Variants in RALGDS observed in about 807,000 individuals in gnomAD.
RALGDS encodes ral guanine nucleotide exchange factor.
Under a neutral mutation model 99.8 loss-of-function variants are expected in RALGDS, and 44 were observed. The ratio of observed to expected loss-of-function variants is 0.44; its 90% CI spans 0.35 to 0.57. The LOEUF (loss-of-function observed/expected upper bound fraction) is 0.57, where lower values mean the gene tolerates loss of function less well. RALGDS is among the 20% of genes least tolerant of loss of function. The pLI is 0.01. For missense variants in RALGDS, 1,022 were observed against 1,203.1 expected (o/e 0.85, Z 2.23); for synonymous variants, 529 against 505.0 (o/e 1.05, Z -0.64).
Position 133,112,053 on chromosome 9 carries a change from G to A in RALGDS, c.283C>T (p.Arg95Cys), listed in dbSNP as rs1831374287. The part of the protein sequence containing the change: ...QLHHGGNKGQ[R>C]WLGYENESAL... Reference sequence around the variant, plus strand: ...CCGAGCGCACTCACCCCGAGCCAGCGCTGCCCCTTGTTGCCTCCGTGGTGC... The same window carrying A: ...CCGAGCGCACTCACCCCGAGCCAGCACTGCCCCTTGTTGCCTCCGTGGTGC... The change falls in exon 2 of 18, where the codon CGC becomes TGC. Residue 95 changes from arginine to cysteine, a missense_variant. This residue lies in a region of RALGDS where 180 missense variants were observed against 169.3 expected (regional missense o/e 1.06). Transcript: ENST00000372050. 7 of 1,577,216 alleles carry A rather than the reference G, an allele frequency of 4.4e-6. No individual in the cohort carries two copies. The highest frequency in any genetic ancestry group is 1.8e-5 in the Admixed American group (1 of 56,628).
Position 133,144,445 on chromosome 9 carries a change from T to A in RALGDS, c.18+4518A>T, listed in dbSNP as rs1484351135. Among the ~76,000 whole-genome samples, 1 of 152,112 alleles carries A rather than the reference T, an allele frequency of 6.6e-6. No individual in the cohort carries two copies. The highest frequency in any genetic ancestry group is 1.9e-4 in the East Asian group (1 of 5,192). The stretch of plus-strand genomic sequence containing the variant: ...CCAGTCACCCCGCCTCGGCCCCGCC[T>A]GGTTTGATTTCCTCCCGTGTGTGTC... On this transcript the variant is annotated intron_variant, in intron 1 of 17. Coordinates refer to the RALGDS transcript ENST00000393160. The surrounding 1 kb of genome is among the most constrained non-coding windows in gnomAD (Gnocchi z 4.5).
intron 1 of RALGDS, among the ~76,000 whole-genome samples, chr9:133,143,291 C>A (rs534458352): frequency 3.3e-5 from 5 of 151,902 alleles, no homozygotes; most frequent in Non-Finnish European, 7.3e-5. Flanking sequence ...CAGGGTGCTT[C>A]CCACAGGCCA....
rs747397050 is a variant in RALGDS at position 133,107,273 on chromosome 9, G to A, written c.1225C>T (p.His409Tyr). The A allele has an allele frequency of 6.2e-7, 1 of 1,613,728 alleles. No homozygotes were observed. ...AELFKKVVPY[H>Y]CLGSIWSQRD... ...TGGGACCAGATGGAGCCCAGGCAGT[G>A]GTAGGGCACCACCTTCTTGAACAGT... is the stretch of plus-strand genomic sequence containing the variant. Residue 409 changes from histidine to tyrosine, a missense_variant, in exon 7 of 18, where the codon CAC (histidine) becomes TAC (tyrosine). Physicochemically the swap from His to Tyr is moderately conservative, Grantham distance 83 (BLOSUM62 2). Coordinates refer to ENST00000372050, the MANE Select transcript of RALGDS (RefSeq NM_006266.4).
rs1831164840 is a variant in RALGDS, at chr9:133,108,184, T to G, written c.1001A>C (p.Glu334Ala). The G allele has an allele frequency of 6.2e-7, 1 of 1,613,222 alleles. No individual in the cohort carries two copies. Among genetic ancestry groups the G allele is most frequent in the African/African-American group, 1.3e-5 (1 of 74,836 alleles). Residue 334 changes from glutamate to alanine, a missense_variant, in exon 6 of 18, where the codon GAA becomes GCA. By Grantham distance (107) the Glu-to-Ala change is moderately radical. Transcript: ENST00000372050. ...GLESAPAPAL[E>A]LEPAPEQDPA... ...ATCCTGTTCTGGAGCTGGCTCTAGT[T>G]CCAGAGCTGGCGCTGGAGCCGATTC...
intron 6 of RALGDS, among the ~76,000 whole-genome samples, chr9:133,107,607 TC>T (rs1174271726): frequency 1.3e-5 from 2 of 152,266 alleles, no homozygotes; most frequent in East Asian, 3.9e-4. Context: ...AAGGGCTTTG[TC>T]CAGTGTCTGC....
intron 16 of RALGDS, chr9:133,101,124 G>A: frequency 3.5e-6 from 4 of 1,131,988 alleles, no homozygotes; most frequent in Non-Finnish European, 3.3e-6. Flanking sequence ...TGCCACAGCG[G>A]CCTCCTAACC....
chr9:133,107,019 A>T, intron 7 of RALGDS, 66 bp downstream of exon 7: 1 of 1,559,330 alleles, frequency 6.4e-7, no homozygotes, highest in Non-Finnish European at 8.8e-7. Flanking sequence ...AGGGCCTTGG[A>T]CTGCAGACCA....
At position 133,144,016 on chromosome 9, in the gene RALGDS, G is replaced by A. The variant is rs1033765175; in HGVS notation, c.18+4947C>T. ...GTGCTGACCCCCACCAGGAGCAGCA[G>A]GACCACCTCAGGCATCCCAGCTCCC... On this transcript the variant is annotated intron_variant, in intron 1 of 17. Coordinates refer to the RALGDS transcript ENST00000393160. This position sits in a 1 kb window ranked among gnomAD's most constrained non-coding sequence, Gnocchi z 4.5. Among the ~76,000 whole-genome samples the A allele has an allele frequency of 7.2e-5, 11 of 152,042 alleles. No individual in the cohort carries two copies. Among genetic ancestry groups the A allele is most frequent in the African/African-American group, 2.7e-4 (11 of 41,410 alleles).
At chr9:133,119,501 C>T (rs1044217112) in intron 1 of RALGDS, among the ~76,000 whole-genome samples, 4 of 152,148 alleles carry the variant, frequency 2.6e-5, no homozygotes, top group East Asian at 1.9e-4. Flanking sequence ...GAAGACAAGA[C>T]CCCCAGGCAG....
chr9:133,109,577 CT>C, intron 4 of RALGDS, 48 bp downstream of exon 4: 3 of 1,523,020 alleles, frequency 2.0e-6, no homozygotes, highest in Non-Finnish European at 2.7e-6. Context: ...TACTCTCCCA[CT>C]GTTCGGTGGG....
intron 10 of RALGDS, 144 bp downstream of exon 10, chr9:133,104,119 C>T: frequency 4.4e-6 from 4 of 906,122 alleles, no homozygotes; most frequent in African/African-American, 1.6e-5. Context: ...TCCCAGATAC[C>T]AGCTGATCCA....
chr9:133,140,335 A>G (rs1023493133), intron 1 of RALGDS, among the ~76,000 whole-genome samples: 16 of 150,394 alleles, frequency 1.1e-4, no homozygotes, highest in African/African-American at 3.9e-4. Flanking sequence ...GGCGGGTGCC[A>G]GAGGTGGGGG....
At chr9:133,120,364 T>TC (rs1588551352) in intron 1 of RALGDS, among the ~76,000 whole-genome samples, 2 of 149,698 alleles carry the variant, frequency 1.3e-5, no homozygotes, top group Non-Finnish European at 3.0e-5. Context: ...GCCACCCTCC[T>TC]CCCCTCACCA....
At position 133,110,258 on chromosome 9, in the gene RALGDS, C is replaced by CCCCTGTGCA. The variant is rs552907412; in HGVS notation, c.488+29_488+37dup. ...AGCCAGGTGGGGGTGGGGGCGAGGG[C>CCCCTGTGCA]CCCTGTGCACCCTGTGCAGTGGAGG... is the stretch of plus-strand genomic sequence containing the variant. On this transcript the variant is annotated intron_variant, in intron 3 of 17. Coordinates refer to ENST00000372050, the MANE Select transcript of RALGDS (RefSeq NM_006266.4). The CCCCTGTGCA allele has an allele frequency of 4.4e-6, 7 of 1,591,028 alleles. No homozygotes were observed. The African/African-American group carries it at 5.4e-5, about 12-fold the overall frequency.
At chr9:133,110,592 G>C in intron 2 of RALGDS, 103 bp from the exon 3 acceptor site, 2 of 978,922 alleles carry the variant, frequency 2.0e-6, no homozygotes, top group South Asian at 2.6e-5. Flanking sequence ...CAAGAGGCAG[G>C]ACTGAGTATC....
intron 1 of RALGDS, among the ~76,000 whole-genome samples, chr9:133,139,996 T>A (rs1832492366): frequency 6.6e-6 from 1 of 152,114 alleles, no homozygotes; most frequent in South Asian, 2.1e-4. Context: ...CAGCCCGAAC[T>A]TCCCTGCGGC....
chr9:133,148,891 C>A, intron 1 of RALGDS: 1 of 1,551,162 alleles, frequency 6.4e-7, no homozygotes, highest in Non-Finnish European at 8.7e-7. Flanking sequence ...TCCCTCCCCC[C>A]GGTGGGTGTG....
rs1477424720 is a variant in RALGDS at position 133,105,689 on chromosome 9, C to CT, written c.1602+242dup. On this transcript the variant is annotated intron_variant, in intron 9 of 17. Coordinates refer to ENST00000372050, the MANE Select transcript of RALGDS (RefSeq NM_006266.4). ...TCTACTCCTCCTGGAACCTCCACTG[C>CT]TACCCTTACTGTGTCCAATTAACTG... Among the ~76,000 whole-genome samples, 3 of 152,172 alleles carry CT rather than the reference C, an allele frequency of 2.0e-5. No individual in the cohort carries two copies. The East Asian group carries it at 5.8e-4, about 29-fold the overall frequency.
At position 133,101,261 on chromosome 9, in the gene RALGDS, T is replaced by C. The variant is rs1183595610; in HGVS notation, c.2454+259A>G. 11 of 1,348,050 alleles carry C rather than the reference T, an allele frequency of 8.2e-6. No individual in the cohort carries two copies. The East Asian group carries it at 2.4e-4, about 30-fold the overall frequency. 83.5% of individuals were successfully genotyped at this position (1,348,050 alleles called of 1,614,324 possible). On this transcript the variant is annotated intron_variant, in intron 16 of 17. Coordinates refer to ENST00000372050, the MANE Select transcript of RALGDS (RefSeq NM_006266.4). The stretch of plus-strand genomic sequence containing the variant: ...AGGGCCTATGTGGCCAGGCCCTGGA[T>C]ACTTCCCTGACCTCACCTCCCCTAC...
Sources: allele counts gnomAD v4.1 joint callset (sites outside exome capture counted in the v4.1 genomes callset), GRCh38; gene constraint gnomAD v4.1.1; regional missense constraint gnomAD v4.1.1; non-coding constraint Gnocchi (gnomAD v3.1); transcripts MANE v1.5; gene names NCBI Gene and HGNC (gene_info 2026-07-23, HGNC 2026-07-21).